GPC6: variants seen among roughly 807,000 people sequenced by gnomAD.
GPC6 encodes the protein glypican-6.
GPC6 carries 14 observed loss-of-function variants against 55.2 expected under a neutral mutation model. The observed-to-expected ratio is 0.25, with a 90% CI of 0.17 to 0.40. GPC6 has a LOEUF of 0.40. Ranked by LOEUF, GPC6 falls within the 10% of genes least tolerant of loss-of-function variation. The pLI is 1.00. For synonymous variants in GPC6, 278 were observed against 259.6 expected (o/e 1.07, Z -0.68); for missense variants, 641 against 708.5 (o/e 0.90, Z 1.08).
chr13:94,197,716 A>C (rs910818687), intron 4 of GPC6, among the ~76,000 whole-genome samples: 2 of 152,228 alleles, frequency 1.3e-5, no homozygotes, highest in African/African-American at 4.8e-5. Context: ...TTCAGCCCGT[A>C]ACAATAACTA....
chr13:94,147,649 C>T (rs1887609167), intron 4 of GPC6, among the ~76,000 whole-genome samples: 1 of 152,128 alleles, frequency 6.6e-6, no homozygotes, highest in African/African-American at 2.4e-5. Flanking sequence ...GACCAAAGAT[C>T]AGATCACTTA....
chr13:93,573,237 C>T (rs961857183), intron 2 of GPC6, among the ~76,000 whole-genome samples: 31 of 151,724 alleles, frequency 2.0e-4, no homozygotes, highest in African/African-American at 7.0e-4. Flanking sequence ...TTATAATATA[C>T]ATTAGAAATT....
intron 4 of GPC6, among the ~76,000 whole-genome samples, chr13:94,092,077 T>A (rs1035036186): frequency 1.4e-5 from 2 of 142,206 alleles, no homozygotes; most frequent in Middle Eastern, 3.5e-3. Context: ...ATTAAGGCAA[T>A]TCACACATCC....
intron 2 of GPC6, among the ~76,000 whole-genome samples, chr13:93,715,028 T>C (rs1182487935): frequency 6.6e-6 from 1 of 151,646 alleles, no homozygotes. Flanking sequence ...TTTGCTGCCA[T>C]CTTGGTTCCA....
intron 4 of GPC6, among the ~76,000 whole-genome samples, chr13:94,059,049 A>G (rs950728159): frequency 1.1e-4 from 17 of 152,040 alleles, no homozygotes; most frequent in African/African-American, 4.1e-4. Flanking sequence ...CAAAATGAAA[A>G]CCAAAAAAAG....
At chr13:93,412,038 C>T (rs1320254589) in intron 1 of GPC6, among the ~76,000 whole-genome samples, 1 of 151,564 alleles carries the variant, frequency 6.6e-6, no homozygotes, top group African/African-American at 2.4e-5. Context: ...AATAAATAGC[C>T]ATTATATTCT....
intron 3 of GPC6, among the ~76,000 whole-genome samples, chr13:93,895,250 AT>A (rs1875940885): frequency 1.5e-5 from 1 of 66,548 alleles, no homozygotes; most frequent in Non-Finnish European, 3.6e-5. Context: ...ATATATATAT[AT>A]ATATATATAT....
intron 1 of GPC6, among the ~76,000 whole-genome samples, chr13:93,428,352 A>T (rs1324402547): frequency 1.3e-5 from 2 of 152,096 alleles, no homozygotes; most frequent in African/African-American, 4.8e-5. Flanking sequence ...TACAGAGAGA[A>T]TGTTACCTAC....
intron 3 of GPC6, among the ~76,000 whole-genome samples, chr13:93,843,448 A>G (rs1018042092): frequency 3.9e-5 from 6 of 152,200 alleles, no homozygotes; most frequent in Admixed American, 3.3e-4. Flanking sequence ...AAGGGGAGAT[A>G]AGGAATGAGG....
At chr13:94,053,476 C>A (rs1461859153) in intron 4 of GPC6, among the ~76,000 whole-genome samples, 2 of 152,126 alleles carry the variant, frequency 1.3e-5, no homozygotes, top group African/African-American at 2.4e-5. Flanking sequence ...TTACCTAATT[C>A]TTTTAGGTAT....
chr13:93,327,808 G>C (rs979460105), intron 1 of GPC6, among the ~76,000 whole-genome samples: 1 of 151,688 alleles, frequency 6.6e-6, no homozygotes, highest in African/African-American at 2.4e-5. Flanking sequence ...CTAATGGCAT[G>C]AAATGCAAAT....
At position 93,897,633 on chromosome 13, in the gene GPC6, C is replaced by T. The variant is rs1012847576; in HGVS notation, c.711+67088C>T. 2.6e-5 allele frequency among the ~76,000 whole-genome samples: 4 copies of T among 152,010 alleles called. No individual in the cohort carries two copies. The East Asian group carries it at 5.8e-4, about 22-fold the overall frequency. ...ATATTGAAAGCATACATCCATGTGCCCCAGATATATGACATACCTTCTTAA... is the reference window on the plus strand; with the variant it reads ...ATATTGAAAGCATACATCCATGTGCTCCAGATATATGACATACCTTCTTAA... On this transcript the variant is annotated intron_variant, in intron 3 of 8. Transcript: ENST00000377047.
chr13:93,417,129 A>C (rs762272959), intron 1 of GPC6, among the ~76,000 whole-genome samples: 2 of 152,164 alleles, frequency 1.3e-5, no homozygotes, highest in Non-Finnish European at 2.9e-5. Context: ...TGCCAGTTTC[A>C]ATTTTACAAT....
intron 1 of GPC6, among the ~76,000 whole-genome samples, chr13:93,234,204 C>G (rs1045674298): frequency 1.9e-4 from 29 of 152,132 alleles, no homozygotes; most frequent in Non-Finnish European, 7.4e-5. Flanking sequence ...CTGGGAGTTC[C>G]TTGACCTTCT....
At chr13:93,974,528 A>G (rs2140397813) in intron 3 of GPC6, among the ~76,000 whole-genome samples, 1 of 152,328 alleles carries the variant, frequency 6.6e-6, no homozygotes, top group Non-Finnish European at 1.5e-5. Flanking sequence ...TAAGTTTTAA[A>G]GAAAACATAA....
the GPC6 span, among the ~76,000 whole-genome samples, chr13:93,220,230 C>A: frequency 6.6e-6 from 1 of 152,214 alleles, no homozygotes; most frequent in Non-Finnish European, 1.5e-5. Context: ...TATTCCCTAC[C>A]GAATAAGCCT....
intron 3 of GPC6, among the ~76,000 whole-genome samples, chr13:94,008,940 C>G (rs1882131343): frequency 6.6e-6 from 1 of 152,076 alleles, no homozygotes; most frequent in Non-Finnish European, 1.5e-5. Flanking sequence ...AATAACCACC[C>G]TATCATTTCT....
At chr13:94,108,754 A>C (rs1886141135) in intron 4 of GPC6, among the ~76,000 whole-genome samples, 1 of 151,902 alleles carries the variant, frequency 6.6e-6, no homozygotes, top group Admixed American at 6.6e-5. Flanking sequence ...AGACAGAAGA[A>C]TCACTCGAAC....
chr13:93,465,054 T>A (rs1038631251), intron 1 of GPC6, among the ~76,000 whole-genome samples: 1 of 152,220 alleles, frequency 6.6e-6, no homozygotes, highest in African/African-American at 2.4e-5. Context: ...GAACAGTACA[T>A]CTCAAGGGTG....
Sources: gnomAD v4.1 joint callset for allele counts (sites outside exome capture counted in the v4.1 genomes callset) on GRCh38, gnomAD v4.1.1 for gene constraint, MANE v1.5 for transcripts, NCBI Gene and HGNC (gene_info 2026-07-23, HGNC 2026-07-21) for gene names.